Variants in ASAP1 observed in about 807,000 individuals in gnomAD.
ASAP1 encodes arf-GAP with SH3 domain, ANK repeat and PH domain-containing protein 1.
In ASAP1, 43 loss-of-function variants were observed where a neutral mutation model predicts 145.2. The observed-to-expected ratio is 0.30, with a 90% CI of 0.23 to 0.38. The LOEUF (loss-of-function observed/expected upper bound fraction) is 0.38. Among genes scored for constraint, ASAP1 ranks in the 10% least tolerant of loss-of-function variants. ASAP1 has a pLI of 1.00. For missense variants in ASAP1, 1,018 were observed against 1,355.3 expected, an observed-to-expected ratio of 0.75 and a Z score of 3.91; for synonymous variants, 546 against 515.5, an observed-to-expected ratio of 1.06 and a Z score of -0.80.
At chr8:130,372,796 T>C (rs547960993) in intron 2 of ASAP1, among the ~76,000 whole-genome samples, 5 of 152,310 alleles carry the variant, frequency 3.3e-5, no homozygotes, top group East Asian at 3.9e-4. Flanking sequence ...AGAATTCAGA[T>C]TGAAATGTAT....
At chr8:130,183,364 A>T (rs925432939) in intron 7 of ASAP1, among the ~76,000 whole-genome samples, 1 of 152,102 alleles carries the variant, frequency 6.6e-6, no homozygotes, top group Admixed American at 6.6e-5. Context: ...TTTTTGAGAC[A>T]AAGTCTCGCT....
At chr8:130,370,301 T>C (rs936564107) in intron 2 of ASAP1, among the ~76,000 whole-genome samples, 1 of 151,894 alleles carries the variant, frequency 6.6e-6, no homozygotes, top group African/African-American at 2.4e-5. Flanking sequence ...CAAGACCCCA[T>C]CTCAAAAACA....
chr8:130,119,275 T>C (rs545823094), intron 18 of ASAP1, among the ~76,000 whole-genome samples: 1 of 152,232 alleles, frequency 6.6e-6, no homozygotes, highest in Non-Finnish European at 1.5e-5. Flanking sequence ...GTGAGGAAAC[T>C]AAGGCTCAGA....
At chr8:130,257,789 C>A (rs1027481762) in intron 3 of ASAP1, among the ~76,000 whole-genome samples, 1 of 134,060 alleles carries the variant, frequency 7.5e-6, no homozygotes, top group Non-Finnish European at 1.7e-5. Flanking sequence ...CAAGAGCACC[C>A]CCCCCCCATT....
chr8:130,132,500 C>A (rs62524640), intron 15 of ASAP1, among the ~76,000 whole-genome samples: 54,628 of 151,978 alleles, frequency 0.36, 10,615 homozygotes, highest in East Asian at 0.64. Context: ...CCCTACGTTC[C>A]TGAGCCAGCT....
chr8:130,297,310 G>T (rs1822344808), intron 3 of ASAP1, among the ~76,000 whole-genome samples: 1 of 152,140 alleles, frequency 6.6e-6, no homozygotes, highest in African/African-American at 2.4e-5. Context: ...GAACCTGAGG[G>T]TACAGAAAGT....
chr8:130,239,708 C>T (rs1243130267), intron 3 of ASAP1, among the ~76,000 whole-genome samples: 2 of 152,066 alleles, frequency 1.3e-5, no homozygotes, highest in African/African-American at 4.8e-5. Flanking sequence ...TGGGTTTATT[C>T]TTAGATGAAC....
chr8:130,291,127 A>G (rs1407786337), intron 3 of ASAP1, among the ~76,000 whole-genome samples: 1 of 152,184 alleles, frequency 6.6e-6, no homozygotes, highest in Non-Finnish European at 1.5e-5. Flanking sequence ...ATATATTCAC[A>G]TACCCCTCCA....
Position 130,064,934 on chromosome 8 carries a change from T to TGTGTGA in ASAP1, c.2702-3866_2702-3865insTCACAC, listed in dbSNP as rs56705405. ...GTGTGTGTGTGTGTGTGTGTGTGTG[T>TGTGTGA]AAGAATCACAGCTCACTGCAGTCTC... On this transcript the variant is annotated intron_variant, in intron 27 of 29. Transcript: ENST00000518721. Among the ~76,000 whole-genome samples the TGTGTGA allele has an allele frequency of 3.4e-5, 5 of 146,618 alleles. No individual in the cohort carries two copies. The East Asian group carries it at 1.0e-3, about 29-fold the overall frequency.
intron 18 of ASAP1, among the ~76,000 whole-genome samples, chr8:130,119,249 ACT>A (rs1442697303): frequency 6.6e-6 from 1 of 152,096 alleles, no homozygotes; most frequent in Non-Finnish European, 1.5e-5. Flanking sequence ...CCCGGCCATA[ACT>A]CTCTATTTTA....
chr8:130,363,291 T>C (rs931428936), intron 2 of ASAP1, among the ~76,000 whole-genome samples: 2 of 152,186 alleles, frequency 1.3e-5, no homozygotes, highest in Admixed American at 6.5e-5. Flanking sequence ...CTTGGGAGGC[T>C]GAGGTGGGAG....
intron 3 of ASAP1, among the ~76,000 whole-genome samples, chr8:130,266,368 C>T (rs993801693): frequency 6.6e-6 from 1 of 152,104 alleles, no homozygotes; most frequent in Admixed American, 6.5e-5. Context: ...GGAATCATAT[C>T]AGTGACTTAA....
At position 130,057,826 on chromosome 8, in the gene ASAP1, G is replaced by A. The variant is rs2097407592; in HGVS notation, c.3315+128C>T. 3.4e-6 allele frequency: 4 copies of A among 1,192,770 alleles called. No homozygotes were observed. In the South Asian group the frequency reaches 4.3e-5, roughly 13 times the overall value. 73.9% of individuals were successfully genotyped at this position (1,192,770 alleles called of 1,614,324 possible). A position where few individuals can be genotyped will look rare whatever the true frequency, so the allele number is the denominator to read the frequency against. Reference sequence around the variant, plus strand: ...CAAATGCAATGGCTGTTGGGTGAGTGATGCAGCTGACAGGGTCCTTGTGCT... The same window carrying A: ...CAAATGCAATGGCTGTTGGGTGAGTAATGCAGCTGACAGGGTCCTTGTGCT... On this transcript the variant is annotated intron_variant, in intron 29 of 29. Transcript: ENST00000518721.
chr8:130,337,479 TGAACGCTAATTA>T (rs1825108402), intron 3 of ASAP1, among the ~76,000 whole-genome samples: 1 of 152,240 alleles, frequency 6.6e-6, no homozygotes, highest in African/African-American at 2.4e-5. Context: ...CTGTAAATTC[TGAACGCTAATTA>T]AGCATGCTAG....
In ASAP1 at chr8:130,212,743, G is replaced by A. The variant is rs1203141931; in HGVS notation, c.405+1813C>T. On this transcript the variant is annotated intron_variant, in intron 5 of 29. Coordinates refer to ENST00000518721, the MANE Select transcript of ASAP1 (RefSeq NM_018482.4). Reference sequence around the variant, plus strand: ...AAACAAATGTATTAGGTGAGCAAACGCAGATGATGAATGTTGGCCTGAATG... The same window carrying A: ...AAACAAATGTATTAGGTGAGCAAACACAGATGATGAATGTTGGCCTGAATG... Among the ~76,000 whole-genome samples, 3 of 152,186 alleles carry A rather than the reference G, an allele frequency of 2.0e-5. No individual in the cohort carries two copies. The East Asian group carries it at 5.8e-4, about 29-fold the overall frequency.
At chr8:130,150,337 CTTATT>C (rs2097643118) in intron 13 of ASAP1, among the ~76,000 whole-genome samples, 1 of 152,166 alleles carries the variant, frequency 6.6e-6, no homozygotes, top group African/African-American at 2.4e-5. Context: ...GGGAAGGGAA[CTTATT>C]TTATTTTTAG....
chr8:130,183,021 GA>G (rs1378451129), intron 7 of ASAP1, among the ~76,000 whole-genome samples: 2 of 151,984 alleles, frequency 1.3e-5, no homozygotes, highest in Admixed American at 6.5e-5. Context: ...ATTATATAAT[GA>G]AAATTCCCGA....
At chr8:130,411,261 A>G (rs1829253063) in intron 1 of ASAP1, among the ~76,000 whole-genome samples, 1 of 152,192 alleles carries the variant, frequency 6.6e-6, no homozygotes, top group South Asian at 2.1e-4. Flanking sequence ...GGTGCATCTT[A>G]CTGCAAGCAA....
In ASAP1 at chr8:130,345,382, CA is replaced by C. The variant is rs541295764; in HGVS notation, c.186+12634del. Among the ~76,000 whole-genome samples, 384 of 152,312 alleles carry C rather than the reference CA, an allele frequency of 2.5e-3. 1 individual carries two copies. The highest frequency in any genetic ancestry group is 8.8e-3 in the African/African-American group (366 of 41,568). On this transcript the variant is annotated intron_variant, in intron 3 of 29. Coordinates refer to ENST00000518721, the MANE Select transcript of ASAP1 (RefSeq NM_018482.4). ...TATCTAGATTTAAATGCCTCCCCGTCAACTCGAAAGAAACAAGTCAGGAGGG... is the reference window on the plus strand; with the variant it reads ...TATCTAGATTTAAATGCCTCCCCGTCACTCGAAAGAAACAAGTCAGGAGGG...
Sources: gnomAD v4.1 joint callset for allele counts (sites outside exome capture counted in the v4.1 genomes callset) on GRCh38, gnomAD v4.1.1 for gene constraint, MANE v1.5 for transcripts, NCBI Gene and HGNC (gene_info 2026-07-23, HGNC 2026-07-21) for gene names.